UVRAG: variants seen among roughly 807,000 people sequenced by gnomAD.
The protein encoded by UVRAG is UV radiation resistance-associated gene protein.
In UVRAG, 19 loss-of-function variants were observed where a neutral mutation model predicts 78.0. The ratio of observed to expected loss-of-function variants is 0.24; its 90% CI spans 0.17 to 0.36. The LOEUF is 0.36. UVRAG is among the 10% of genes least tolerant of loss of function. UVRAG has a pLI of 1.00. For synonymous variants in UVRAG, 323 were observed against 324.6 expected, an observed-to-expected ratio of 1.00 and a Z score of 0.05; for missense variants, 740 against 853.8, an observed-to-expected ratio of 0.87 and a Z score of 1.66.
intron 1 of UVRAG, among the ~76,000 whole-genome samples, chr11:75,828,937 T>G (rs1269014325): frequency 6.6e-6 from 1 of 151,664 alleles, no homozygotes; most frequent in African/African-American, 2.4e-5. Context: ...CCCAGGCTGG[T>G]CTCAAACTCC....
intron 1 of UVRAG, among the ~76,000 whole-genome samples, chr11:75,832,175 C>G (rs557937350): frequency 1.3e-5 from 2 of 152,166 alleles, no homozygotes; most frequent in Non-Finnish European, 2.9e-5. Flanking sequence ...GGTTTTCCCC[C>G]CAACATCAAC....
chr11:75,972,374 TTTGAG>T (rs1167538671), intron 7 of UVRAG, among the ~76,000 whole-genome samples: 2 of 152,148 alleles, frequency 1.3e-5, no homozygotes, highest in Non-Finnish European at 2.9e-5. Context: ...TGTGATCTGG[TTTGAG>T]TTAATTTTTT....
chr11:76,037,054 A>C (rs1330162183), intron 12 of UVRAG, among the ~76,000 whole-genome samples: 1 of 152,208 alleles, frequency 6.6e-6, no homozygotes, highest in African/African-American at 2.4e-5. Flanking sequence ...GCAAGAACCT[A>C]AAGAAATAAG....
At chr11:76,121,829 C>A (rs1042538598) in intron 14 of UVRAG, among the ~76,000 whole-genome samples, 1 of 152,244 alleles carries the variant, frequency 6.6e-6, no homozygotes, top group South Asian at 2.1e-4. Flanking sequence ...CATATCCTAT[C>A]TCATTCATTC....
At chr11:75,987,944 G>T (rs1274061809) in intron 8 of UVRAG, among the ~76,000 whole-genome samples, 1 of 151,984 alleles carries the variant, frequency 6.6e-6, no homozygotes, top group African/African-American at 2.4e-5. Flanking sequence ...TGCCATGTTG[G>T]CCAGGCTGGT....
chr11:76,005,398 C>T (rs961873133), intron 9 of UVRAG, among the ~76,000 whole-genome samples: 2 of 152,096 alleles, frequency 1.3e-5, no homozygotes, highest in African/African-American at 2.4e-5. Flanking sequence ...TATTCCAATT[C>T]TCTCAATTTG....
intron 13 of UVRAG, among the ~76,000 whole-genome samples, chr11:76,077,792 C>T (rs1205590848): frequency 6.6e-6 from 1 of 151,984 alleles, no homozygotes; most frequent in Non-Finnish European, 1.5e-5. Context: ...CAGGAAGAAA[C>T]ATCTTACATA....
chr11:76,066,626 C>G (rs1951192384), intron 13 of UVRAG, among the ~76,000 whole-genome samples: 1 of 152,042 alleles, frequency 6.6e-6, no homozygotes, highest in Non-Finnish European at 1.5e-5. Context: ...GCGCATGCCA[C>G]CACGCTCAGC....
chr11:75,881,756 G>A (rs1286351138), intron 4 of UVRAG, among the ~76,000 whole-genome samples: 1 of 152,134 alleles, frequency 6.6e-6, no homozygotes, highest in Non-Finnish European at 1.5e-5. Flanking sequence ...ACAAAACTAG[G>A]AATCTGTTAG....
chr11:75,961,728 C>T (rs147554916), intron 7 of UVRAG, among the ~76,000 whole-genome samples, 179 bp downstream of exon 7: 5 of 152,182 alleles, frequency 3.3e-5, no homozygotes, highest in Non-Finnish European at 5.9e-5. Context: ...AATAATGTAA[C>T]GCATGAAGTG....
At position 76,002,844 on chromosome 11, in the gene UVRAG, G is replaced by A. The variant is rs561642270; in HGVS notation, c.827-1161G>A. 3.8e-4 allele frequency among the ~76,000 whole-genome samples: 58 copies of A among 152,248 alleles called. No individual in the cohort carries two copies. The Middle Eastern group carries it at 0.017, about 45-fold the overall frequency. On this transcript the variant is annotated intron_variant, in intron 8 of 14. Coordinates refer to ENST00000356136, the MANE Select transcript of UVRAG (RefSeq NM_003369.4). The stretch of plus-strand genomic sequence containing the variant: ...TAGTCCTAGCTCTTTGGGAGGCCAC[G>A]GCAGGCGGATGGCTTGAGCTCAGGA...
At chr11:75,834,245 C>T (rs545667317) in intron 1 of UVRAG, among the ~76,000 whole-genome samples, 26 of 151,724 alleles carry the variant, frequency 1.7e-4, no homozygotes, top group Middle Eastern at 3.4e-3. Context: ...TAATACAGAC[C>T]CTGCTCCCTT....
At chr11:76,137,728 G>A in intron 14 of UVRAG, 1 of 295,324 alleles carries the variant, frequency 3.4e-6, no homozygotes, top group Non-Finnish European at 6.7e-6. Flanking sequence ...ATGAGATCCT[G>A]TCTCTAAAAA....
At chr11:75,931,129 CTTCTT>C (rs1242447894) in intron 6 of UVRAG, among the ~76,000 whole-genome samples, 3 of 151,162 alleles carry the variant, frequency 2.0e-5, no homozygotes, top group African/African-American at 7.3e-5. Context: ...TTGTTTCTCT[CTTCTT>C]TTCCTTTTTT....
intron 13 of UVRAG, among the ~76,000 whole-genome samples, chr11:76,078,670 G>A (rs1015464503): frequency 1.0e-4 from 15 of 149,420 alleles, no homozygotes; most frequent in Admixed American, 2.0e-4. Flanking sequence ...TTGGGAGGCC[G>A]AGGTGTGCGG....
At chr11:76,042,769 ATCTG>A (rs1200256890) in intron 12 of UVRAG, among the ~76,000 whole-genome samples, 1 of 152,218 alleles carries the variant, frequency 6.6e-6, no homozygotes, top group Non-Finnish European at 1.5e-5. Context: ...GCCCTTACCT[ATCTG>A]TATGTTATAC....
chr11:76,041,327 A>G (rs1269024793), intron 12 of UVRAG, among the ~76,000 whole-genome samples: 2 of 152,222 alleles, frequency 1.3e-5, no homozygotes, highest in East Asian at 3.9e-4. Flanking sequence ...TGGTGCAGGT[A>G]GACAACTCAG....
intron 4 of UVRAG, among the ~76,000 whole-genome samples, chr11:75,887,804 G>C (rs1447390584): frequency 6.6e-6 from 1 of 151,210 alleles, no homozygotes; most frequent in Non-Finnish European, 1.5e-5. Context: ...GGCTGGTCTC[G>C]AATTTCTCAC....
chr11:75,896,807 T>A (rs1565369016), intron 5 of UVRAG, among the ~76,000 whole-genome samples: 1 of 152,222 alleles, frequency 6.6e-6, no homozygotes, highest in Non-Finnish European at 1.5e-5. Context: ...TTTATTTTTA[T>A]GTAACTCATA....
Sources: gnomAD v4.1 joint callset for allele counts (sites outside exome capture counted in the v4.1 genomes callset) on GRCh38, gnomAD v4.1.1 for gene constraint, MANE v1.5 for transcripts, NCBI Gene and HGNC (gene_info 2026-07-23, HGNC 2026-07-21) for gene names.